Variants in AOPEP observed in about 807,000 individuals in gnomAD.
AOPEP encodes aminopeptidase O (putative).
A neutral mutation model predicts 98.1 loss-of-function variants in AOPEP; 77 were observed. That is an observed-to-expected ratio of 0.78 (90% confidence interval 0.65 to 0.95). AOPEP has a LOEUF of 0.95. AOPEP is among the 40% of genes least tolerant of loss of function. The probability of loss-of-function intolerance (pLI) is 0.00; values close to 1 mark genes in which losing one functional copy is unlikely to be tolerated. For missense variants in AOPEP, 1,024 were observed against 1,024.7 expected (o/e 1.00, Z 0.01); for synonymous variants, 346 against 365.3 (o/e 0.95, Z 0.60).
chr9:95,005,963 A>C, intron 13 of AOPEP: 1 of 487,354 alleles, frequency 2.1e-6, no homozygotes, highest in Non-Finnish European at 4.1e-6. Context: ...AATCGCCCAC[A>C]GTATTAGGTT....
At chr9:95,111,192 C>T in the AOPEP span, 23 of 1,536,128 alleles carry the variant, frequency 1.5e-5, no homozygotes, top group East Asian at 4.6e-4. Flanking sequence ...TGAGCAATAA[C>T]AGATCAAATG....
chr9:95,060,704 A>T lies in AOPEP; in HGVS notation c.2126A>T (p.Asp709Val), dbSNP rs756177192. The T allele has an allele frequency of 3.1e-6, 5 of 1,612,996 alleles. No homozygotes were observed. In the South Asian group the frequency reaches 5.5e-5, roughly 18 times the overall value. Residue 709 changes from aspartate (D) to valine (V), a missense_variant, in exon 14 of 17, where the codon GAC (aspartate) becomes GTC (valine). Physicochemically the swap from Asp to Val is radical, Grantham distance 152. Around this residue, in one of 3 missense-constraint regions of AOPEP, gnomAD observed 566 missense variants for 551.7 expected, o/e 1.03. Coordinates refer to ENST00000375315, the MANE Select transcript of AOPEP (RefSeq NM_001193329.3). ...KEEVFEKLLPDQLVLLLEHLL... is the reference protein window; with the variant it reads ...KEEVFEKLLPVQLVLLLEHLL... ...TGGTTTTGTCTTTAGCTTCTTCCAG[A>T]CCAGCTGGTCTTGCTTCTGGAGCAT...
chr9:94,866,804 G>A (rs2045755150), intron 5 of AOPEP, among the ~76,000 whole-genome samples: 2 of 152,182 alleles, frequency 1.3e-5, no homozygotes, highest in Admixed American at 1.3e-4. Flanking sequence ...AATGTAACCA[G>A]TGTTCAAATT....
chr9:95,060,669 A>T (rs773730039), intron 13 of AOPEP, 25 bp from the exon 14 acceptor site: 99 of 1,471,962 alleles, frequency 6.7e-5, no homozygotes, highest in Non-Finnish European at 8.9e-5. Context: ...TGGCATTTTC[A>T]TAGGCTGTTT....
chr9:95,146,810 TGTTTCCAGA>T, the AOPEP span, among the ~76,000 whole-genome samples: 1 of 152,108 alleles, frequency 6.6e-6, no homozygotes, highest in Non-Finnish European at 1.5e-5. Context: ...TTCAAAGAAC[TGTTTCCAGA>T]GAGGGAGGGA....
chr9:94,952,403 A>G (rs959940563), intron 7 of AOPEP, among the ~76,000 whole-genome samples: 2 of 152,158 alleles, frequency 1.3e-5, no homozygotes, highest in African/African-American at 4.8e-5. Context: ...CATCTCAGAA[A>G]CCTTCCTGTT....
At chr9:94,776,947 T>A (rs982951819) in intron 3 of AOPEP, among the ~76,000 whole-genome samples, 3 of 151,318 alleles carry the variant, frequency 2.0e-5, no homozygotes, top group African/African-American at 7.3e-5. Context: ...ACTGGATGAA[T>A]GGTACATTTT....
intron 5 of AOPEP, among the ~76,000 whole-genome samples, chr9:94,827,148 A>C (rs958908184): frequency 2.0e-5 from 3 of 152,240 alleles, no homozygotes; most frequent in Admixed American, 2.0e-4. Flanking sequence ...GTTTAGGAGC[A>C]AAGAACACGG....
intron 9 of AOPEP, among the ~76,000 whole-genome samples, chr9:94,964,184 C>G (rs2059035417): frequency 6.6e-6 from 1 of 152,184 alleles, no homozygotes; most frequent in African/African-American, 2.4e-5. Flanking sequence ...TTTTGCGATC[C>G]CCTGGGCCTG....
intron 1 of AOPEP, among the ~76,000 whole-genome samples, chr9:94,749,430 T>A (rs1448713422): frequency 6.6e-6 from 1 of 152,234 alleles, no homozygotes; most frequent in African/African-American, 2.4e-5. Flanking sequence ...AAATGGTATT[T>A]AGAAACCAAG....
intron 13 of AOPEP, among the ~76,000 whole-genome samples, chr9:95,016,081 G>A (rs1036089867): frequency 2.6e-5 from 4 of 151,272 alleles, no homozygotes; most frequent in African/African-American, 9.7e-5. Flanking sequence ...TCTGAACTTG[G>A]TTCAGTCTAT....
At chr9:94,800,682 A>G (rs1848019825) in intron 4 of AOPEP, 75 bp from the exon 5 acceptor site, 5 of 1,530,484 alleles carry the variant, frequency 3.3e-6, no homozygotes, top group Non-Finnish European at 4.5e-6. Flanking sequence ...AAAGTTGTCT[A>G]CATCTGCAAG....
At chr9:94,915,624 T>C (rs950210008) in intron 5 of AOPEP, among the ~76,000 whole-genome samples, 1 of 152,130 alleles carries the variant, frequency 6.6e-6, no homozygotes, top group African/African-American at 2.4e-5. Context: ...TCCACCCCAA[T>C]GTCCTGCTGC....
At chr9:94,840,179 C>G (rs1203661698) in intron 5 of AOPEP, among the ~76,000 whole-genome samples, 1 of 152,150 alleles carries the variant, frequency 6.6e-6, no homozygotes, top group Non-Finnish European at 1.5e-5. Flanking sequence ...CCTTCTACTC[C>G]TAATTCACTG....
At chr9:95,045,937 C>T (rs986065893) in intron 13 of AOPEP, among the ~76,000 whole-genome samples, 2 of 152,172 alleles carry the variant, frequency 1.3e-5, no homozygotes, top group Non-Finnish European at 2.9e-5. Flanking sequence ...AAGGCGCCGC[C>T]ACCTCCACTT....
intron 13 of AOPEP, chr9:95,020,295 C>A (rs1312789404): frequency 6.6e-6 from 1 of 152,192 alleles, no homozygotes. Context: ...CTGAGGGAGA[C>A]AGGGAAAGGT....
chr9:95,082,423 C>T (rs1381449783), intron 15 of AOPEP, 152 bp from the exon 16 acceptor site: 1 of 771,768 alleles, frequency 1.3e-6, no homozygotes, highest in Non-Finnish European at 2.0e-6. Context: ...CTTCCAAAAG[C>T]ACAGTCAGCC....
chr9:95,114,203 T>C, the AOPEP span: 1 of 284,722 alleles, frequency 3.5e-6, no homozygotes, highest in South Asian at 4.0e-5. Context: ...CCCTACTGTG[T>C]AGGAGTTTCA....
chr9:94,743,615 C>T (rs1429084200), intron 1 of AOPEP, among the ~76,000 whole-genome samples: 1 of 152,098 alleles, frequency 6.6e-6, no homozygotes, highest in Non-Finnish European at 1.5e-5. Flanking sequence ...AAATCATGAG[C>T]AACTCAAAAG....
Sources: gnomAD v4.1 joint callset for allele counts (sites outside exome capture counted in the v4.1 genomes callset) on GRCh38, gnomAD v4.1.1 for gene constraint, gnomAD v4.1.1 regional missense constraint, MANE v1.5 for transcripts, NCBI Gene and HGNC (gene_info 2026-07-23, HGNC 2026-07-21) for gene names.